CCDC3: variants seen among roughly 807,000 people sequenced by gnomAD.
CCDC3 encodes coiled-coil domain-containing protein 3.
A neutral mutation model predicts 21.4 loss-of-function variants in CCDC3; 24 were observed. The observed-to-expected ratio is 1.12, with a 90% CI of 0.81 to 1.58. CCDC3 has a LOEUF of 1.58. Ranked by LOEUF, CCDC3 falls within the 40% of genes most tolerant of loss-of-function variation. The pLI is 0.00. For missense variants in CCDC3, 425 were observed against 360.9 expected, an observed-to-expected ratio of 1.18 and a Z score of -1.44; for synonymous variants, 186 against 166.0, an observed-to-expected ratio of 1.12 and a Z score of -0.93.
rs78614438 is a variant in CCDC3, at chr10:12,958,828, G to A, written c.549+39510C>T. On this transcript the variant is annotated intron_variant, in intron 2 of 2. Coordinates refer to ENST00000378825, the MANE Select transcript of CCDC3 (RefSeq NM_031455.4). ...CTGCCAACCCCCCTGGGAACAGCACGCTTCTTTCCCTATGGTTCCAGCAAA... is the reference window on the plus strand; with the variant it reads ...CTGCCAACCCCCCTGGGAACAGCACACTTCTTTCCCTATGGTTCCAGCAAA... Among the ~76,000 whole-genome samples the A allele has an allele frequency of 5.6e-3, 850 of 152,188 alleles. 8 individuals are homozygous for A. Among genetic ancestry groups the A allele is most frequent in the Non-Finnish European group, 7.7e-3 (526 of 67,996 alleles).
At chr10:13,058,651 T>C (rs77156413) in intron 4 of CCDC3, 3 of 545,344 alleles carry the variant, frequency 5.5e-6, no homozygotes, top group Admixed American at 2.7e-5. Context: ...GTTGGCCTTA[T>C]TTTTAACAAC....
intron 4 of CCDC3, among the ~76,000 whole-genome samples, chr10:13,057,491 A>T (rs1836696150): frequency 1.3e-5 from 2 of 151,912 alleles, no homozygotes; most frequent in Admixed American, 1.3e-4. Context: ...CTAAATCCAT[A>T]TGTTATAATT....
intron 5 of CCDC3, among the ~76,000 whole-genome samples, chr10:13,043,898 T>C (rs940178940): frequency 2.6e-5 from 4 of 152,258 alleles, no homozygotes; most frequent in African/African-American, 9.6e-5. Context: ...GGTTGAATAG[T>C]AGTTCTATTT....
At chr10:12,953,684 G>C (rs1250924852) in intron 2 of CCDC3, among the ~76,000 whole-genome samples, 1 of 152,178 alleles carries the variant, frequency 6.6e-6, no homozygotes, top group African/African-American at 2.4e-5. Context: ...CTACCCTGTG[G>C]AGCTGTGACT....
chr10:13,090,080 A>T (rs576786203), intron 3 of CCDC3, among the ~76,000 whole-genome samples: 1,702 of 113,020 alleles, frequency 0.015, 15 homozygotes, highest in Middle Eastern at 0.03. Flanking sequence ...TATATATATC[A>T]CCGTTTCTTT....
chr10:13,031,577 G>A (rs879664039), intron 5 of CCDC3, among the ~76,000 whole-genome samples: 1 of 151,784 alleles, frequency 6.6e-6, no homozygotes, highest in East Asian at 1.9e-4. Flanking sequence ...TGAAAAAATC[G>A]ACAAAATAGA....
rs190753290 is a variant in CCDC3, at chr10:13,043,018, C to A, written c.-2+6656G>T. Among the ~76,000 whole-genome samples, 362 of 151,368 alleles carry A rather than the reference C, an allele frequency of 2.4e-3. 2 individuals carry two copies. The highest frequency in any genetic ancestry group is 3.6e-3 in the Non-Finnish European group (246 of 67,920). Reference sequence around the variant, plus strand: ...ATAAGTTTACACAGAAAGGATATAACTTCTGGTAATTGCAAATATTGAACA... The same window carrying A: ...ATAAGTTTACACAGAAAGGATATAAATTCTGGTAATTGCAAATATTGAACA... On this transcript the variant is annotated intron_variant, in intron 5 of 6. Transcript: ENST00000378839.
chr10:13,024,943 A>T (rs888538834), intron 5 of CCDC3, among the ~76,000 whole-genome samples: 6 of 151,860 alleles, frequency 4.0e-5, no homozygotes, highest in African/African-American at 1.5e-4. Context: ...ATTCTTCCAT[A>T]TTTCTTCATT....
chr10:13,052,492 T>C (rs1420457999), intron 4 of CCDC3, among the ~76,000 whole-genome samples: 3 of 152,230 alleles, frequency 2.0e-5, no homozygotes, highest in Non-Finnish European at 2.9e-5. Context: ...AACTTATTCA[T>C]ATGTATGGAC....
In CCDC3 at chr10:13,001,567, G is replaced by A; in HGVS notation, c.4C>T (p.Leu2=). 1 of 1,231,868 alleles carries A rather than the reference G, an allele frequency of 8.1e-7. No individual in the cohort carries two copies. 76.3% of individuals were successfully genotyped at this position (1,231,868 alleles called of 1,614,324 possible). The change falls in exon 1 of 3, where the codon CTG becomes TTG. Residue 2 remains leucine (L), a synonymous_variant. Transcript: ENST00000378825. Reference sequence around the variant, plus strand: ...AGCGCGGCGAGCAGCAGCTGGCGCAGCATGCCGGGCCCTCCCGGGGCGCAC... The same window carrying A: ...AGCGCGGCGAGCAGCAGCTGGCGCAACATGCCGGGCCCTCCCGGGGCGCAC... M[L]RQLLLAALCL...
At chr10:12,930,916 C>T (rs940271582) in intron 2 of CCDC3, among the ~76,000 whole-genome samples, 5 of 152,026 alleles carry the variant, frequency 3.3e-5, no homozygotes, top group African/African-American at 7.2e-5. Flanking sequence ...CAGTGATGGT[C>T]GCAAATTTAC....
chr10:12,985,634 A>G (rs1306998558), intron 2 of CCDC3, among the ~76,000 whole-genome samples: 2 of 152,268 alleles, frequency 1.3e-5, no homozygotes, highest in African/African-American at 4.8e-5. Context: ...CCTCAAGGAA[A>G]TTATGTTGAA....
intron 2 of CCDC3, among the ~76,000 whole-genome samples, chr10:12,944,228 C>T (rs1042333299): frequency 6.6e-6 from 1 of 152,178 alleles, no homozygotes; most frequent in African/African-American, 2.4e-5. Context: ...AATCTCCTTC[C>T]CTTACTAGAG....
intron 2 of CCDC3, among the ~76,000 whole-genome samples, chr10:12,904,077 A>G (rs1253091749): frequency 1.3e-5 from 2 of 152,070 alleles, no homozygotes; most frequent in Non-Finnish European, 2.9e-5. Context: ...TTTTCCAGTC[A>G]TCGGTCTGTA....
intron 2 of CCDC3, among the ~76,000 whole-genome samples, chr10:12,981,842 C>A (rs1030712811): frequency 6.6e-6 from 1 of 151,728 alleles, no homozygotes; most frequent in Admixed American, 6.6e-5. Flanking sequence ...GAGAAGTGAG[C>A]GGCTGGGCAC....
At chr10:12,952,661 A>T (rs1192167129) in intron 2 of CCDC3, among the ~76,000 whole-genome samples, 2 of 152,096 alleles carry the variant, frequency 1.3e-5, no homozygotes, top group African/African-American at 4.8e-5. Context: ...GCATGTGGCT[A>T]TTTTATGACT....
chr10:12,961,894 T>C (rs765694420), intron 2 of CCDC3, among the ~76,000 whole-genome samples: 3 of 152,168 alleles, frequency 2.0e-5, no homozygotes, highest in Non-Finnish European at 2.9e-5. Flanking sequence ...TGACCCATTT[T>C]TGAAGGGTAT....
At chr10:13,013,156 G>T (rs1401938004) in intron 5 of CCDC3, among the ~76,000 whole-genome samples, 1 of 152,144 alleles carries the variant, frequency 6.6e-6, no homozygotes, top group East Asian at 1.9e-4. Flanking sequence ...TGTCGACCAA[G>T]AAGGTCCAGG....
At chr10:13,069,039 T>C (rs1188943295) in intron 4 of CCDC3, among the ~76,000 whole-genome samples, 1 of 152,234 alleles carries the variant, frequency 6.6e-6, no homozygotes, top group East Asian at 1.9e-4. Flanking sequence ...GCGGATCACC[T>C]GAGGTCGGGA....
Sources: gnomAD v4.1 joint callset for allele counts (sites outside exome capture counted in the v4.1 genomes callset) on GRCh38, gnomAD v4.1.1 for gene constraint, MANE v1.5 for transcripts, NCBI Gene and HGNC (gene_info 2026-07-23, HGNC 2026-07-21) for gene names.